The following PID1 variants were observed in gnomAD, a reference collection of about 807,000 sequenced individuals.
The protein encoded by PID1 is phosphotyrosine interaction domain containing 1, also known as PTB-containing, cubilin and LRP1-interacting protein.
In PID1, 10 loss-of-function variants were observed where a neutral mutation model predicts 19.1. The observed-to-expected ratio is 0.52, with a 90% CI of 0.32 to 0.89. The LOEUF (loss-of-function observed/expected upper bound fraction) is 0.89, where lower values mean the gene tolerates loss of function less well. PID1 is among the 40% of genes least tolerant of loss of function. The pLI, the probability that PID1 is intolerant of heterozygous loss-of-function variation, is 0.03. For missense variants in PID1, 248 were observed against 285.3 expected, an observed-to-expected ratio of 0.87 and a Z score of 0.94; for synonymous variants, 130 against 116.0, an observed-to-expected ratio of 1.12 and a Z score of -0.78.
intron 2 of PID1, among the ~76,000 whole-genome samples, chr2:229,095,904 G>C (rs1262076220): frequency 6.6e-6 from 1 of 152,162 alleles, no homozygotes; most frequent in Non-Finnish European, 1.5e-5. Context: ...TACTCAATTT[G>C]ATTTTCAAGT....
At position 229,204,948 on chromosome 2, in the gene PID1, AT is replaced by A. The variant is rs537691185; in HGVS notation, c.31-48985del. 1.4e-4 allele frequency among the ~76,000 whole-genome samples: 22 copies of A among 152,306 alleles called. No individual in the cohort carries two copies. The South Asian group carries it at 4.6e-3, about 32-fold the overall frequency. On this transcript the variant is annotated intron_variant, in intron 1 of 2. Coordinates refer to ENST00000392055, the MANE Select transcript of PID1 (RefSeq NM_001100818.2). ...ATGAGAACTAGAACTTTACAAAAAA[AT>A]GACTTTGGTATTTACGTTATTAAGA...
chr2:229,184,385 C>A (rs1336647286), intron 1 of PID1, among the ~76,000 whole-genome samples: 2 of 109,160 alleles, frequency 1.8e-5, no homozygotes, highest in Non-Finnish European at 3.7e-5. Flanking sequence ...TATATCTATC[C>A]CGTATATATC....
intron 1 of PID1, among the ~76,000 whole-genome samples, chr2:229,210,278 C>T (rs997263647): frequency 4.6e-5 from 7 of 151,724 alleles, no homozygotes; most frequent in African/African-American, 1.7e-4. Flanking sequence ...TTTGGGAGGC[C>T]GAGGCAGGTG....
At chr2:229,217,891 A>G (rs1042245355) in intron 1 of PID1, among the ~76,000 whole-genome samples, 9 of 152,116 alleles carry the variant, frequency 5.9e-5, no homozygotes, top group African/African-American at 2.2e-4. Flanking sequence ...AAACCAGTCA[A>G]TTTCTAACAC....
intron 1 of PID1, among the ~76,000 whole-genome samples, chr2:229,252,872 G>A (rs1690191015): frequency 6.6e-6 from 1 of 152,130 alleles, no homozygotes; most frequent in South Asian, 2.1e-4. Context: ...CAAGTTCCTA[G>A]AGAAAAGACA....
chr2:229,110,302 G>A (rs1456180014), intron 2 of PID1, among the ~76,000 whole-genome samples: 1 of 152,200 alleles, frequency 6.6e-6, no homozygotes, highest in East Asian at 1.9e-4. Context: ...CCACTGGGAA[G>A]ACAAGCTAAG....
At chr2:229,247,734 C>A (rs116299575) in intron 1 of PID1, among the ~76,000 whole-genome samples, 2,084 of 152,250 alleles carry the variant, frequency 0.014, 41 homozygotes, top group African/African-American at 0.047. Flanking sequence ...ACTTCAGTGA[C>A]CACCACTCCC....
At position 229,025,874 on chromosome 2, in the gene PID1, C is replaced by T. The variant is rs1414524157; in HGVS notation, c.412G>A (p.Ala138Thr). Reference sequence around the variant, plus strand: ...ATGTTGGGGCTCACGTTGTGGTCGGCGGTGCAGTAGGCGATGCGGGCCACC... The same window carrying T: ...ATGTTGGGGCTCACGTTGTGGTCGGTGGTGCAGTAGGCGATGCGGGCCACC... ...FQVARIAYCTADHNVSPNIFA... is the reference protein window; with the variant it reads ...FQVARIAYCTTDHNVSPNIFA... The change falls in exon 3 of 3, where the codon GCC becomes ACC. Residue 138 changes from alanine (A) to threonine (T), a missense_variant. Ala to Thr is a moderately conservative substitution (Grantham distance 58). Coordinates refer to ENST00000392055, the MANE Select transcript of PID1 (RefSeq NM_001100818.2). 2.5e-6 allele frequency: 4 copies of T among 1,614,054 alleles called. No individual in the cohort carries two copies. The highest frequency in any genetic ancestry group is 1.7e-5 in the Admixed American group (1 of 60,006).
intron 1 of PID1, among the ~76,000 whole-genome samples, chr2:229,163,502 T>C (rs1046368873): frequency 1.2e-4 from 3 of 24,220 alleles, no homozygotes; most frequent in African/African-American, 2.7e-4. Flanking sequence ...CATGGAAGCA[T>C]TTTTTTTTTT....
chr2:229,254,725 T>C (rs1490483231), intron 1 of PID1, among the ~76,000 whole-genome samples: 2 of 152,246 alleles, frequency 1.3e-5, no homozygotes, highest in Non-Finnish European at 2.9e-5. Flanking sequence ...TTAAATGATA[T>C]GTTTCTCTTT....
At position 229,024,600 on chromosome 2, in the gene PID1, A is replaced by G. The variant is rs930732320; in HGVS notation, c.*1032T>C. 7 of 152,668 alleles carry G rather than the reference A, an allele frequency of 4.6e-5. No individual in the cohort carries two copies. Among genetic ancestry groups the G allele is most frequent in the Admixed American group, 4.6e-4 (7 of 15,288 alleles). The allele number at this position is 152,668 out of a possible 1,614,324, so 9.5% of individuals were successfully genotyped here. On this transcript the variant is annotated 3_prime_UTR_variant, in exon 3 of 3. Transcript: ENST00000392055. ...GTTTATCTAACTCATTCTGTATCTA[A>G]GTGCAATGCTGAGTGATGGGGGCAA... is the stretch of plus-strand genomic sequence containing the variant.
intron 2 of PID1, among the ~76,000 whole-genome samples, chr2:229,033,113 C>T (rs1188470123): frequency 1.3e-5 from 2 of 152,136 alleles, no homozygotes; most frequent in African/African-American, 2.4e-5. Flanking sequence ...CCCTGGTGGC[C>T]GGTCGCTATT....
At chr2:229,143,552 T>C (rs553882353) in intron 2 of PID1, among the ~76,000 whole-genome samples, 9 of 152,110 alleles carry the variant, frequency 5.9e-5, no homozygotes, top group Non-Finnish European at 1.3e-4. Flanking sequence ...CCAAGGCACG[T>C]AACCATAAAA....
chr2:229,050,636 G>A lies in PID1; in HGVS notation c.178-24528C>T, dbSNP rs543205598. 4.9e-4 allele frequency among the ~76,000 whole-genome samples: 75 copies of A among 152,210 alleles called. 1 individual carries two copies. In the Middle Eastern group the frequency reaches 0.01, roughly 21 times the overall value. Reference sequence around the variant, plus strand: ...CTCTACCTAGTACAGTGTATATACCGGTGTGTACATGCAATAGACTTGCAC... The same window carrying A: ...CTCTACCTAGTACAGTGTATATACCAGTGTGTACATGCAATAGACTTGCAC... On this transcript the variant is annotated intron_variant, in intron 2 of 2. Transcript: ENST00000392055.
intron 2 of PID1, among the ~76,000 whole-genome samples, chr2:229,077,550 C>A (rs1694583449): frequency 6.6e-6 from 1 of 151,984 alleles, no homozygotes; most frequent in Admixed American, 6.6e-5. Context: ...CCATCTTGAG[C>A]TAATTTTTGT....
chr2:229,248,242 G>A (rs189522570), intron 1 of PID1, among the ~76,000 whole-genome samples: 2 of 152,250 alleles, frequency 1.3e-5, no homozygotes, highest in East Asian at 3.9e-4. Flanking sequence ...TACTCAATCT[G>A]GACCAGTTTC....
intron 1 of PID1, among the ~76,000 whole-genome samples, chr2:229,247,849 A>G (rs1690044200): frequency 6.6e-6 from 1 of 152,230 alleles, no homozygotes; most frequent in South Asian, 2.1e-4. Flanking sequence ...AGCAAGAATA[A>G]GACAGCTTTA....
chr2:229,148,915 C>A (rs1398004469), intron 2 of PID1, among the ~76,000 whole-genome samples: 4 of 151,562 alleles, frequency 2.6e-5, no homozygotes, highest in African/African-American at 7.3e-5. Flanking sequence ...AGGAGACAAG[C>A]AGAAGTGAAT....
At chr2:229,268,997 T>A (rs1419518345) in intron 1 of PID1, among the ~76,000 whole-genome samples, 1 of 150,732 alleles carries the variant, frequency 6.6e-6, no homozygotes, top group Non-Finnish European at 1.5e-5. Context: ...CAAGCAATAC[T>A]CTTTGGGAAG....
Sources: gnomAD v4.1 joint callset for allele counts (sites outside exome capture counted in the v4.1 genomes callset) on GRCh38, gnomAD v4.1.1 for gene constraint, MANE v1.5 for transcripts, NCBI Gene and HGNC (gene_info 2026-07-23, HGNC 2026-07-21) for gene names.